MPRIP: variants seen among roughly 807,000 people sequenced by gnomAD.
MPRIP encodes myosin phosphatase Rho interacting protein, also known as myosin phosphatase Rho-interacting protein.
MPRIP carries 59 observed loss-of-function variants against 234.9 expected under a neutral mutation model. The ratio of observed to expected loss-of-function variants is 0.25; its 90% CI spans 0.20 to 0.31. MPRIP has a LOEUF of 0.31. Ranked by LOEUF, MPRIP falls within the 10% of genes least tolerant of loss-of-function variation. MPRIP has a pLI of 1.00. For missense variants in MPRIP, 2,436 were observed against 3,071.0 expected (o/e 0.79, Z 4.89); for synonymous variants, 1,144 against 1,263.9 (o/e 0.91, Z 2.01).
At chr17:17,077,826 G>C (rs1267975485) in intron 2 of MPRIP, 185 bp from the exon 3 acceptor site, 2 of 613,426 alleles carry the variant, frequency 3.3e-6, no homozygotes, top group African/African-American at 1.8e-5. Context: ...TCCCAGCCCA[G>C]TCCTGGCTGA....
rs771433243 is a variant in MPRIP, at chr17:17,131,612, C to A, written c.420-5C>A. On this transcript the variant is annotated splice_polypyrimidine_tract_variant and splice_region_variant and intron_variant, in intron 4 of 23. Transcript: ENST00000651222. ...CCTGGTACTTGTCTCCTTTTCTCTTCCCAGGTGGCTGGAGATGCTCATGGT... is the reference window on the plus strand; with the variant it reads ...CCTGGTACTTGTCTCCTTTTCTCTTACCAGGTGGCTGGAGATGCTCATGGT... The A allele has an allele frequency of 3.7e-6, 6 of 1,613,938 alleles. No individual in the cohort carries two copies. Among genetic ancestry groups the A allele is most frequent in the Admixed American group, 1.7e-5 (1 of 60,020 alleles).
In MPRIP at chr17:17,165,506, G is replaced by A. The variant is rs1327876654; in HGVS notation, c.3915G>A (p.Gln1305=). Residue 1305 remains glutamine (Q), a synonymous_variant, in exon 16 of 24, where the codon CAG becomes CAA. Coordinates refer to ENST00000651222, the MANE Select transcript of MPRIP (RefSeq NM_001364716.4). The part of the protein sequence containing the change: ...VEVLDREGHQ[Q]GTAKLDQGAP... ...TGCTTGACAGGGAGGGCCATCAGCAGGGCACAGCCAAACTCGACCAAGGGG... is the reference window on the plus strand; with the variant it reads ...TGCTTGACAGGGAGGGCCATCAGCAAGGCACAGCCAAACTCGACCAAGGGG... The A allele has an allele frequency of 7.7e-7, 1 of 1,304,414 alleles. No individual in the cohort carries two copies. The highest frequency in any genetic ancestry group is 2.3e-5 in the Admixed American group (1 of 43,578). 80.8% of individuals were successfully genotyped at this position (1,304,414 alleles called of 1,614,324 possible).
At chr17:17,134,970 C>T (rs2090666234) in intron 5 of MPRIP, among the ~76,000 whole-genome samples, 1 of 152,246 alleles carries the variant, frequency 6.6e-6, no homozygotes, top group South Asian at 2.1e-4. Flanking sequence ...CAGAGAGAGA[C>T]TAAGGTGGTT....
intron 5 of MPRIP, among the ~76,000 whole-genome samples, chr17:17,133,778 C>G (rs756744566): frequency 3.3e-5 from 5 of 152,192 alleles, no homozygotes; most frequent in African/African-American, 7.2e-5. Flanking sequence ...GAGTCTAGGC[C>G]TGGGAGAAGA....
rs1262606538 is a variant in MPRIP at position 17,142,665 on chromosome 17, T to A, written c.1289T>A (p.Ile430Asn). 6.2e-7 allele frequency: 1 copy of A among 1,612,010 alleles called. No homozygotes were observed. The highest frequency in any genetic ancestry group is 8.5e-7 in the Non-Finnish European group (1 of 1,179,974). ...ATTGAAAAGTTTGAGGCCTTGGACA[T>A]TGAGAAGGCAGAGCACATGGAGACC... ...QVIEKFEALD[I>N]EKAEHMETNA... is the part of the protein sequence containing the mutation. The change falls in exon 8 of 24, where the codon ATT (isoleucine) becomes AAT (asparagine). Residue 430 changes from isoleucine (I) to asparagine (N), a missense_variant. Physicochemically the swap from Ile to Asn is moderately radical, Grantham distance 149. Coordinates refer to ENST00000651222, the MANE Select transcript of MPRIP (RefSeq NM_001364716.4).
chr17:17,079,927 G>A (rs1183681473), intron 3 of MPRIP, among the ~76,000 whole-genome samples: 1 of 152,214 alleles, frequency 6.6e-6, no homozygotes, highest in African/African-American at 2.4e-5. Flanking sequence ...AGTGCACTGT[G>A]GTCTCCCAGC....
chr17:17,129,989 T>C (rs2090564837), intron 4 of MPRIP, among the ~76,000 whole-genome samples: 1 of 152,168 alleles, frequency 6.6e-6, no homozygotes. Flanking sequence ...TGATGAGAAG[T>C]GTGACCAGGG....
chr17:17,126,894 C>A (rs1161734385), intron 4 of MPRIP, 41 bp downstream of exon 4: 3 of 1,597,338 alleles, frequency 1.9e-6, no homozygotes, highest in Non-Finnish European at 2.6e-6. Context: ...CCACCACCTG[C>A]CACAGGGCCA....
At chr17:17,173,810 T>C in intron 18 of MPRIP, 106 bp from the exon 19 acceptor site, 1 of 1,312,018 alleles carries the variant, frequency 7.6e-7, no homozygotes, top group Middle Eastern at 1.8e-4. Flanking sequence ...ACAGACTGTG[T>C]GGGCCTGACC....
In MPRIP at chr17:17,179,929, A is replaced by G. The variant is rs918587898; in HGVS notation, c.7121-74A>G. On this transcript the variant is annotated intron_variant, in intron 22 of 23. Transcript: ENST00000651222. Reference sequence around the variant, plus strand: ...CAGTAGGAAGCTTGGGAAATGTTTCAGGATTTAGTCTGGTTCCAGAGGGTT... The same window carrying G: ...CAGTAGGAAGCTTGGGAAATGTTTCGGGATTTAGTCTGGTTCCAGAGGGTT... 29 of 1,221,058 alleles carry G rather than the reference A, an allele frequency of 2.4e-5. No homozygotes were observed. The Admixed American group carries it at 6.1e-4, about 26-fold the overall frequency. The allele number at this position is 1,221,058 out of a possible 1,614,324, so 75.6% of individuals were successfully genotyped here. A position where few individuals can be genotyped will look rare whatever the true frequency, so the allele number is the denominator to read the frequency against.
Position 17,167,366 on chromosome 17 carries a change from T to G in MPRIP, c.5775T>G (p.His1925Gln). 1 of 1,304,058 alleles carries G rather than the reference T, an allele frequency of 7.7e-7. No homozygotes were observed. Among genetic ancestry groups the G allele is most frequent in the Non-Finnish European group, 1.0e-6 (1 of 988,952 alleles). The allele number at this position is 1,304,058 out of a possible 1,614,324, so 80.8% of individuals were successfully genotyped here. ...AGGCCAAGGCCGCCCAGCTAGACCATCAGCAGCAGTGTCTGGAGGATGCAG... is the reference window on the plus strand; with the variant it reads ...AGGCCAAGGCCGCCCAGCTAGACCAGCAGCAGCAGTGTCTGGAGGATGCAG... ...ELKAKAAQLD[H>Q]QQQCLEDAES... The change falls in exon 16 of 24, where the codon CAT becomes CAG. Residue 1925 changes from histidine (H) to glutamine (Q), a missense_variant. Transcript: ENST00000651222. This position sits in a 1 kb window ranked among gnomAD's most constrained non-coding sequence, Gnocchi z 5.9.
At chr17:17,114,429 CT>C (rs10719541) in intron 3 of MPRIP, among the ~76,000 whole-genome samples, 119,362 of 151,384 alleles carry the variant, frequency 0.79, 47,254 homozygotes, top group East Asian at 0.99. Context: ...TCTAGTTTAT[CT>C]TTTTTTTTTC....
chr17:17,075,945 C>T, intron 2 of MPRIP, 158 bp downstream of exon 2: 1 of 652,008 alleles, frequency 1.5e-6, no homozygotes. Context: ...GTACGTTGTA[C>T]AGAAAAGGTC....
At chr17:17,179,877 GT>G in intron 22 of MPRIP, 125 bp from the exon 23 acceptor site, 1 of 744,958 alleles carries the variant, frequency 1.3e-6, no homozygotes, top group South Asian at 1.7e-5. Context: ...CCTTAGAGTT[GT>G]TTAAGGAATT....
chr17:17,164,924 A>T lies in MPRIP; in HGVS notation c.3333A>T (p.Arg1111Ser). ...QSLCDERDLL[R>S]QRFQELTERV... Reference sequence around the variant, plus strand: ...TCTGTGACGAGCGGGACCTCCTCAGACAGCGGTTCCAGGAGCTGACAGAGC... The same window carrying T: ...TCTGTGACGAGCGGGACCTCCTCAGTCAGCGGTTCCAGGAGCTGACAGAGC... The change falls in exon 16 of 24, where the codon AGA becomes AGT. Residue 1111 changes from arginine (R) to serine (S), a missense_variant. Transcript: ENST00000651222. 1.5e-6 allele frequency: 2 copies of T among 1,303,882 alleles called. No individual in the cohort carries two copies. Among genetic ancestry groups the T allele is most frequent in the Non-Finnish European group, 2.0e-6 (2 of 988,772 alleles). 80.8% of individuals were successfully genotyped at this position (1,303,882 alleles called of 1,614,324 possible).
chr17:17,100,767 G>A (rs1386768000), intron 3 of MPRIP, among the ~76,000 whole-genome samples: 1 of 151,990 alleles, frequency 6.6e-6, no homozygotes, highest in Non-Finnish European at 1.5e-5. Context: ...CTACATTATG[G>A]TGAGTATGTA....
At chr17:17,063,721 G>A (rs112480817) in intron 1 of MPRIP, among the ~76,000 whole-genome samples, 2 of 152,344 alleles carry the variant, frequency 1.3e-5, no homozygotes, top group Admixed American at 6.5e-5. Flanking sequence ...TCTTGTCACC[G>A]ACTGTTCCCT....
chr17:17,086,935 GAA>G (rs2144115812), intron 3 of MPRIP, among the ~76,000 whole-genome samples: 1 of 152,306 alleles, frequency 6.6e-6, no homozygotes, highest in Non-Finnish European at 1.5e-5. Flanking sequence ...GGTTGGGGGA[GAA>G]GAGCTAATGA....
In MPRIP at chr17:17,158,794, G is replaced by A. The variant is rs760187689; in HGVS notation, c.2192G>A (p.Arg731His). The stretch of plus-strand genomic sequence containing the variant: ...CCAGGCACTGAGGATGCAGCCCTGC[G>A]CATGGAGGTGGACCGGAGCCCAGGG... ...DGPGTEDAALRMEVDRSPGLP... is the reference protein window; with the variant it reads ...DGPGTEDAALHMEVDRSPGLP... The change falls in exon 14 of 24, where the codon CGC becomes CAC. Residue 731 changes from arginine to histidine, a missense_variant. Arg to His is a conservative substitution (Grantham distance 29). Transcript: ENST00000651222. 19 of 1,611,632 alleles carry A rather than the reference G, an allele frequency of 1.2e-5. No homozygotes were observed. The highest frequency in any genetic ancestry group is 6.7e-5 in the African/African-American group (5 of 75,006).
Sources: allele counts gnomAD v4.1 joint callset (sites outside exome capture counted in the v4.1 genomes callset), GRCh38; gene constraint gnomAD v4.1.1; non-coding constraint Gnocchi (gnomAD v3.1); transcripts MANE v1.5; gene names NCBI Gene and HGNC (gene_info 2026-07-23, HGNC 2026-07-21).